Variants in GRK5 observed in about 807,000 individuals in gnomAD.
GRK5 encodes g protein-coupled receptor kinase GRK5.
A neutral mutation model predicts 78.4 loss-of-function variants in GRK5; 40 were observed. The observed-to-expected ratio is 0.51, with a 90% confidence interval of 0.40 to 0.66. GRK5 has a LOEUF of 0.66. Ranked by LOEUF, GRK5 falls within the 30% of genes least tolerant of loss-of-function variation. GRK5 has a pLI of 0.00. For missense variants in GRK5, 598 were observed against 759.9 expected, an observed-to-expected ratio of 0.79 and a Z score of 2.50; for synonymous variants, 289 against 296.8, an observed-to-expected ratio of 0.97 and a Z score of 0.27.
intron 4 of GRK5, among the ~76,000 whole-genome samples, chr10:119,401,467 G>A (rs1284255238): frequency 6.6e-6 from 1 of 152,218 alleles, no homozygotes; most frequent in Non-Finnish European, 1.5e-5. Context: ...AAGGGCAGCA[G>A]AGTGCTGAGA....
intron 1 of GRK5, among the ~76,000 whole-genome samples, chr10:119,307,436 T>A (rs1180373928): frequency 6.6e-6 from 1 of 152,066 alleles, no homozygotes; most frequent in Non-Finnish European, 1.5e-5. Context: ...GTGGGCCTGA[T>A]TAGAGGGAGA....
At chr10:119,266,350 G>A (rs11198849) in intron 1 of GRK5, among the ~76,000 whole-genome samples, 20,793 of 152,044 alleles carry the variant, frequency 0.14, 1,503 homozygotes, top group Middle Eastern at 0.17. Context: ...CCAGCTACTC[G>A]GGAGGCTGAG....
At chr10:119,382,095 C>T (rs1851719864) in intron 3 of GRK5, among the ~76,000 whole-genome samples, 1 of 152,172 alleles carries the variant, frequency 6.6e-6, no homozygotes, top group African/African-American at 2.4e-5. Context: ...TCTTTGCACT[C>T]TTTGATGCCT....
chr10:119,265,923 G>A (rs1849488508), intron 1 of GRK5, among the ~76,000 whole-genome samples: 1 of 152,198 alleles, frequency 6.6e-6, no homozygotes, highest in African/African-American at 2.4e-5. Flanking sequence ...CCTGGGATCT[G>A]CGTTGGGTCC....
chr10:119,286,758 C>T (rs1021315818), intron 1 of GRK5, among the ~76,000 whole-genome samples: 1 of 152,234 alleles, frequency 6.6e-6, no homozygotes, highest in Non-Finnish European at 1.5e-5. Context: ...CATTCCCTTG[C>T]CTGGAGGCAG....
At position 119,431,403 on chromosome 10, in the gene GRK5, T is replaced by C. The variant is rs1216855787; in HGVS notation, c.614T>C (p.Val205Ala). 3 of 1,613,442 alleles carry C rather than the reference T, an allele frequency of 1.9e-6. No individual in the cohort carries two copies. In the African/African-American group the frequency reaches 4.0e-5, roughly 22 times the overall value. Residue 205 changes from valine to alanine, a missense_variant, in exon 8 of 16, where the codon GTT (valine) becomes GCT (alanine). Transcript: ENST00000392870. The surrounding 1 kb of genome is among the most constrained non-coding windows in gnomAD (Gnocchi z 4.8). ...GCACTGCAGGTCTGTGCCTGCCAGGTTCGGGCCACGGGTAAAATGTATGCC... is the reference window on the plus strand; with the variant it reads ...GCACTGCAGGTCTGTGCCTGCCAGGCTCGGGCCACGGGTAAAATGTATGCC... ...GGFGEVCACQ[V>A]RATGKMYACK... is the part of the protein sequence containing the mutation.
In GRK5 at chr10:119,436,727, A is replaced by G. The variant is rs1357052784; in HGVS notation, c.815A>G (p.Lys272Arg). ...ACCATCATGAATGGGGGTGACCTGA[A>G]GTTCCACATCTACAACATGGGCAAC... ...VLTIMNGGDLKFHIYNMGNPG... is the reference protein window; with the variant it reads ...VLTIMNGGDLRFHIYNMGNPG... The change falls in exon 9 of 16, where the codon AAG becomes AGG. Residue 272 changes from lysine to arginine, a missense_variant. Lys to Arg is a conservative substitution (Grantham distance 26, BLOSUM62 2). Transcript: ENST00000392870. 6.2e-7 allele frequency: 1 copy of G among 1,614,216 alleles called. No individual in the cohort carries two copies. The highest frequency in any genetic ancestry group is 8.5e-7 in the Non-Finnish European group (1 of 1,180,026).
At chr10:119,280,995 G>A (rs1388083253) in intron 1 of GRK5, among the ~76,000 whole-genome samples, 1 of 151,582 alleles carries the variant, frequency 6.6e-6, no homozygotes, top group Non-Finnish European at 1.5e-5. Flanking sequence ...AGTCAGGCTG[G>A]TCTCAGACTG....
At position 119,448,394 on chromosome 10, in the gene GRK5, G is replaced by A. The variant is rs537199603; in HGVS notation, c.1404+134G>A. On this transcript the variant is annotated intron_variant, in intron 13 of 15. Coordinates refer to ENST00000392870, the MANE Select transcript of GRK5 (RefSeq NM_005308.3). Reference sequence around the variant, plus strand: ...TTTGTGGGGACCAGGGTCCCCTCCCGGCCACTCCTCACCTAAGCTGCAGAT... The same window carrying A: ...TTTGTGGGGACCAGGGTCCCCTCCCAGCCACTCCTCACCTAAGCTGCAGAT... The A allele has an allele frequency of 4.0e-4, 388 of 977,820 alleles. 4 individuals carry two copies. In the South Asian group the frequency reaches 5.9e-3, roughly 15 times the overall value. 60.6% of individuals were successfully genotyped at this position (977,820 alleles called of 1,614,324 possible). A position where few individuals can be genotyped will look rare whatever the true frequency, so the allele number is the denominator to read the frequency against.
intron 2 of GRK5, among the ~76,000 whole-genome samples, chr10:119,358,470 C>T (rs1160056851): frequency 1.3e-5 from 2 of 152,126 alleles, no homozygotes; most frequent in Admixed American, 6.5e-5. Context: ...GCAGCCTGGC[C>T]GCCTTCTCCT....
chr10:119,264,167 G>GACA lies in GRK5; in HGVS notation c.52+56199_52+56201dup, dbSNP rs1564869399. 6.6e-6 allele frequency among the ~76,000 whole-genome samples: 1 copy of GACA among 152,120 alleles called. No homozygotes were observed. Among genetic ancestry groups the GACA allele is most frequent in the Non-Finnish European group, 1.5e-5 (1 of 68,038 alleles). ...CATGCCACCTTGAATGCTCTCCATT[G>GACA]ACATTTGCAACTTGTTTCTGTGTAA... On this transcript the variant is annotated intron_variant, in intron 1 of 15. Transcript: ENST00000392870. This position sits in a 1 kb window ranked among gnomAD's most constrained non-coding sequence, Gnocchi z 4.1.
intron 15 of GRK5, among the ~76,000 whole-genome samples, chr10:119,454,308 G>T (rs1052865750): frequency 6.6e-6 from 1 of 152,176 alleles, no homozygotes; most frequent in East Asian, 1.9e-4. Flanking sequence ...TGGTTATGTG[G>T]CAACTTACGG....
chr10:119,242,476 G>T (rs888064342), intron 1 of GRK5, among the ~76,000 whole-genome samples: 2 of 150,656 alleles, frequency 1.3e-5, no homozygotes, highest in Non-Finnish European at 3.0e-5. Flanking sequence ...TACCTGACTG[G>T]CTGACAGTGC....
intron 1 of GRK5, among the ~76,000 whole-genome samples, chr10:119,304,702 G>T (rs192769037): frequency 6.6e-6 from 1 of 152,132 alleles, no homozygotes; most frequent in South Asian, 2.1e-4. Flanking sequence ...AGTGCACCAC[G>T]CTGCCTGCTC....
At chr10:119,408,163 C>CAAA (rs34029208) in intron 4 of GRK5, among the ~76,000 whole-genome samples, 1,722 of 73,826 alleles carry the variant, frequency 0.023, 33 homozygotes, top group Non-Finnish European at 0.032. Flanking sequence ...AACTCCATCT[C>CAAA]AAAAAAAAAA....
In GRK5 at chr10:119,207,781, G is replaced by T; in HGVS notation, c.-137G>T. 1 of 798,004 alleles carries T rather than the reference G, an allele frequency of 1.3e-6. No homozygotes were observed. Among genetic ancestry groups the T allele is most frequent in the Non-Finnish European group, 1.9e-6 (1 of 513,868 alleles). The allele number at this position is 798,004 out of a possible 1,614,324, so 49.4% of individuals were successfully genotyped here. A position where few individuals can be genotyped will look rare whatever the true frequency, so the allele number is the denominator to read the frequency against. On this transcript the variant is annotated 5_prime_UTR_variant, in exon 1 of 16. It removes an upstream start codon present in the reference 5' UTR. Coordinates refer to ENST00000392870, the MANE Select transcript of GRK5 (RefSeq NM_005308.3). ...CTCTTGGGCTGAGAGCAGGAATAAT[G>T]CGGTAGGCAAGGCGGGCTGCTGGCT... is the stretch of plus-strand genomic sequence containing the variant.
At chr10:119,283,476 G>A (rs1356878915) in intron 1 of GRK5, among the ~76,000 whole-genome samples, 2 of 152,202 alleles carry the variant, frequency 1.3e-5, no homozygotes, top group Non-Finnish European at 2.9e-5. Context: ...GAGGCTGCAG[G>A]GAAGGAGTGA....
intron 1 of GRK5, among the ~76,000 whole-genome samples, chr10:119,321,167 G>A (rs17607469): frequency 0.022 from 3,364 of 152,278 alleles, 72 homozygotes; most frequent in Admixed American, 0.05. Flanking sequence ...GAGTCAGGAA[G>A]GTTGGGTTTA....
intron 1 of GRK5, among the ~76,000 whole-genome samples, chr10:119,323,342 T>A (rs9887998): frequency 0.076 from 11,550 of 152,276 alleles, 816 homozygotes; most frequent in African/African-American, 0.19. Context: ...AAAATGGTGC[T>A]TCATGCCTGC....
Sources: allele counts gnomAD v4.1 joint callset (sites outside exome capture counted in the v4.1 genomes callset), GRCh38; gene constraint gnomAD v4.1.1; non-coding constraint Gnocchi (gnomAD v3.1); transcripts MANE v1.5; gene names NCBI Gene and HGNC (gene_info 2026-07-23, HGNC 2026-07-21).